RBFOX1: variants seen among roughly 807,000 people sequenced by gnomAD.
RBFOX1 encodes RNA binding protein fox-1 homolog 1.
RBFOX1 carries 8 observed loss-of-function variants against 57.7 expected under a neutral mutation model. The ratio of observed to expected loss-of-function variants is 0.14; its 90% CI spans 0.08 to 0.25. The LOEUF (loss-of-function observed/expected upper bound fraction) is 0.25. RBFOX1 is among the 10% of genes least tolerant of loss of function. The probability of loss-of-function intolerance (pLI) is 1.00; values close to 1 mark genes in which losing one functional copy is unlikely to be tolerated. For synonymous variants in RBFOX1, 326 were observed against 222.4 expected, an observed-to-expected ratio of 1.47 and a Z score of -4.15; for missense variants, 611 against 548.5, an observed-to-expected ratio of 1.11 and a Z score of -1.14.
chr16:5,524,152 A>G (rs1354209853), intron 2 of RBFOX1, among the ~76,000 whole-genome samples: 1 of 152,198 alleles, frequency 6.6e-6, no homozygotes, highest in Non-Finnish European at 1.5e-5. Context: ...TTTAAAGAAA[A>G]CTAAATGTGA....
At chr16:6,215,685 C>G (rs990740275) in intron 1 of RBFOX1, among the ~76,000 whole-genome samples, 11 of 152,018 alleles carry the variant, frequency 7.2e-5, no homozygotes, top group Non-Finnish European at 1.5e-4. Flanking sequence ...CTCTCCCTCC[C>G]TTATGGATTG....
At chr16:5,473,531 A>G (rs2069211064) in intron 2 of RBFOX1, among the ~76,000 whole-genome samples, 1 of 151,960 alleles carries the variant, frequency 6.6e-6, no homozygotes. Flanking sequence ...TGCACGTTGC[A>G]TGGGTGGGTA....
At chr16:6,604,404 T>C (rs1288806874) in intron 2 of RBFOX1, among the ~76,000 whole-genome samples, 1 of 152,190 alleles carries the variant, frequency 6.6e-6, no homozygotes. Flanking sequence ...CTTACAGTCT[T>C]GCATTTAAGT....
At chr16:6,661,055 G>T (rs981069365) in intron 3 of RBFOX1, among the ~76,000 whole-genome samples, 2 of 152,190 alleles carry the variant, frequency 1.3e-5, no homozygotes, top group Admixed American at 6.5e-5. Context: ...CCTGGAAGGT[G>T]ATACCTTCAT....
At chr16:6,421,300 C>T (rs2093765631) in intron 2 of RBFOX1, among the ~76,000 whole-genome samples, 1 of 152,128 alleles carries the variant, frequency 6.6e-6, no homozygotes, top group African/African-American at 2.4e-5. Context: ...AGTCTTGAGC[C>T]CTTTGTTGGC....
chr16:5,616,233 C>G (rs1467758956), intron 3 of RBFOX1: 1 of 152,420 alleles, frequency 6.6e-6, no homozygotes, highest in Non-Finnish European at 1.5e-5. Context: ...TCCTGGAACC[C>G]CAGCACCACC....
intron 3 of RBFOX1, among the ~76,000 whole-genome samples, chr16:6,994,609 C>T (rs2091983870): frequency 6.6e-6 from 1 of 152,162 alleles, no homozygotes; most frequent in Non-Finnish European, 1.5e-5. Flanking sequence ...TGCTGTGTAT[C>T]TGCTAGTGTT....
chr16:6,405,515 A>C (rs745848279), intron 2 of RBFOX1, among the ~76,000 whole-genome samples: 36 of 152,162 alleles, frequency 2.4e-4, no homozygotes, highest in Non-Finnish European at 4.6e-4. Flanking sequence ...AAACATGGAG[A>C]ATTGTACACC....
chr16:7,508,458 T>A (rs538333096), intron 4 of RBFOX1, among the ~76,000 whole-genome samples: 1 of 152,296 alleles, frequency 6.6e-6, no homozygotes, highest in South Asian at 2.1e-4. Flanking sequence ...TGTCCTCGCA[T>A]ACTGAGCTGG....
At chr16:6,714,092 G>C (rs112964778) in intron 3 of RBFOX1, among the ~76,000 whole-genome samples, 5 of 152,270 alleles carry the variant, frequency 3.3e-5, no homozygotes, top group African/African-American at 1.2e-4. Flanking sequence ...GATAGTAAGT[G>C]AATTTTCACA....
At chr16:5,797,854 C>T (rs898507461) in intron 3 of RBFOX1, among the ~76,000 whole-genome samples, 2 of 152,136 alleles carry the variant, frequency 1.3e-5, no homozygotes, top group African/African-American at 4.8e-5. Context: ...ATAGGTAAGT[C>T]ATGAGGCCTT....
At chr16:5,998,991 C>T (rs1213039301) in intron 4 of RBFOX1, among the ~76,000 whole-genome samples, 1 of 152,150 alleles carries the variant, frequency 6.6e-6, no homozygotes, top group East Asian at 1.9e-4. Context: ...TGTGGATGAA[C>T]TGTTATGGGA....
At chr16:6,849,904 G>A (rs1219473415) in intron 3 of RBFOX1, among the ~76,000 whole-genome samples, 1 of 152,156 alleles carries the variant, frequency 6.6e-6, no homozygotes, top group Non-Finnish European at 1.5e-5. Context: ...ATTTGTGTGT[G>A]TATATCTCCC....
At chr16:6,910,304 T>C (rs2071226037) in intron 3 of RBFOX1, among the ~76,000 whole-genome samples, 1 of 152,052 alleles carries the variant, frequency 6.6e-6, no homozygotes. Context: ...GCACAGAGAA[T>C]CTTTTTAGGG....
intron 1 of RBFOX1, among the ~76,000 whole-genome samples, chr16:5,255,338 A>ATCCCTCCG (rs1317985830): frequency 1.4e-5 from 2 of 144,836 alleles, no homozygotes; most frequent in African/African-American, 5.3e-5. Flanking sequence ...CCATCCATCC[A>ATCCCTCCG]TCCATCCATC....
intron 1 of RBFOX1, among the ~76,000 whole-genome samples, chr16:6,140,802 T>C: frequency 6.6e-6 from 1 of 152,198 alleles, no homozygotes. Context: ...TCAAGCTGTG[T>C]TTCCTTCTCA....
chr16:6,972,772 A>G (rs950710509), intron 3 of RBFOX1, among the ~76,000 whole-genome samples: 1 of 152,104 alleles, frequency 6.6e-6, no homozygotes, highest in African/African-American at 2.4e-5. Context: ...GGCTGGGTAG[A>G]TTTGATGTCG....
intron 1 of RBFOX1, among the ~76,000 whole-genome samples, chr16:6,215,870 A>G (rs2097332719): frequency 6.6e-6 from 1 of 152,180 alleles, no homozygotes; most frequent in Non-Finnish European, 1.5e-5. Context: ...AACTCGCCAC[A>G]TGCCCACTGA....
chr16:6,587,388 TCTC>T (rs1273322078), intron 2 of RBFOX1, among the ~76,000 whole-genome samples: 1 of 152,054 alleles, frequency 6.6e-6, no homozygotes, highest in African/African-American at 2.4e-5. Context: ...ATCAAGCAAT[TCTC>T]CTGCCTCAGC....
Sources: allele counts gnomAD v4.1 joint callset (sites outside exome capture counted in the v4.1 genomes callset), GRCh38; gene constraint gnomAD v4.1.1; transcripts MANE v1.5; gene names NCBI Gene and HGNC (gene_info 2026-07-23, HGNC 2026-07-21).